CDK18: variants seen among roughly 807,000 people sequenced by gnomAD.
The protein encoded by CDK18 is cyclin-dependent kinase 18.
CDK18 carries 52 observed loss-of-function variants against 62.0 expected under a neutral mutation model. The observed-to-expected ratio is 0.84, with a 90% CI of 0.67 to 1.06. The LOEUF is 1.06. Ranked by LOEUF, CDK18 falls within the 50% of genes least tolerant of loss-of-function variation. The pLI, the probability that CDK18 is intolerant of heterozygous loss-of-function variation, is 0.00. For synonymous variants in CDK18, 237 were observed against 247.0 expected (o/e 0.96, Z 0.38); for missense variants, 604 against 619.9 (o/e 0.97, Z 0.27).
At chr1:205,520,731 AAAT>A (rs1668080134) in intron 1 of CDK18, among the ~76,000 whole-genome samples, 1 of 151,982 alleles carries the variant, frequency 6.6e-6, no homozygotes. Flanking sequence ...GGAAAAAAGA[AAAT>A]AATTGATCTT....
chr1:205,523,671 C>A, intron 3 of CDK18, 46 bp downstream of exon 3: 1 of 1,544,642 alleles, frequency 6.5e-7, no homozygotes, highest in Non-Finnish European at 8.7e-7. Flanking sequence ...AGGATGCACG[C>A]ACAAGGGTGT....
At chr1:205,531,106 A>G (rs1668714898) in intron 15 of CDK18, among the ~76,000 whole-genome samples, 1 of 152,178 alleles carries the variant, frequency 6.6e-6, no homozygotes, top group African/African-American at 2.4e-5. Context: ...AGCTAGTACT[A>G]TTAATATTCC....
rs1668254171 is a variant in CDK18, at chr1:205,523,528, G to C, written c.176G>C (p.Ser59Thr). The change falls in exon 3 of 16, where the codon AGC becomes ACC. Residue 59 changes from serine (S) to threonine (T), a missense_variant. Coordinates refer to ENST00000429964, the MANE Select transcript of CDK18 (RefSeq NM_212502.3). ...GGCAGAGACCCCCCGCAGGAGTGCAGCACCTTCTCCCCAACAGACAGCGGG... is the reference window on the plus strand; with the variant it reads ...GGCAGAGACCCCCCGCAGGAGTGCACCACCTTCTCCCCAACAGACAGCGGG... ...PLGRDPPQEC[S>T]TFSPTDSGEE... is the part of the protein sequence containing the mutation. 1 of 1,606,816 alleles carries C rather than the reference G, an allele frequency of 6.2e-7. No individual in the cohort carries two copies. Among genetic ancestry groups the C allele is most frequent in the East Asian group, 2.2e-5 (1 of 44,638 alleles).
intron 14 of CDK18, 114 bp downstream of exon 14, chr1:205,530,463 C>A: frequency 8.0e-7 from 1 of 1,252,468 alleles, no homozygotes; most frequent in Non-Finnish European, 1.2e-6. Context: ...AGCAGAGCAG[C>A]CCCGGGCACC....
At chr1:205,518,072 C>T (rs900073375) in intron 1 of CDK18, among the ~76,000 whole-genome samples, 6 of 152,272 alleles carry the variant, frequency 3.9e-5, no homozygotes, top group African/African-American at 1.4e-4. Flanking sequence ...CCCTGCATGA[C>T]TGACCCCCTC....
rs1668481486 is a variant in CDK18 at position 205,527,240 on chromosome 1, A to T, written c.729+403A>T. 8.8e-6 allele frequency: 2 copies of T among 226,540 alleles called. No individual in the cohort carries two copies. The highest frequency in any genetic ancestry group is 1.6e-4 in the South Asian group (2 of 12,886). 14.0% of individuals were successfully genotyped at this position (226,540 alleles called of 1,614,324 possible). A position where few individuals can be genotyped will look rare whatever the true frequency, so the allele number is the denominator to read the frequency against. On this transcript the variant is annotated intron_variant, in intron 8 of 15. Coordinates refer to ENST00000429964, the MANE Select transcript of CDK18 (RefSeq NM_212502.3). The surrounding 1 kb of genome is among the most constrained non-coding windows in gnomAD (Gnocchi z 4.1). ...CCACGCCTGTAATCCCAGCACTGGG[A>T]GGCCAAGGCAGGAAGATGGCTTGAG...
At chr1:205,530,799 C>A in intron 15 of CDK18, 94 bp downstream of exon 15, 1 of 984,782 alleles carries the variant, frequency 1.0e-6, no homozygotes, top group Non-Finnish European at 1.6e-6. Context: ...GTCCCCCCAC[C>A]ACTGGCTTCC....
chr1:205,507,527 G>T (rs1208131834), intron 1 of CDK18, among the ~76,000 whole-genome samples: 1 of 150,904 alleles, frequency 6.6e-6, no homozygotes, highest in Non-Finnish European at 1.5e-5. Context: ...GTAGCTACTC[G>T]GGAGGCTGAG....
At chr1:205,530,029 G>C in intron 13 of CDK18, 1 of 1,416,750 alleles carries the variant, frequency 7.1e-7, no homozygotes, top group Non-Finnish European at 9.2e-7. Context: ...TCACTCTCCT[G>C]AAGTTTCATT....
intron 1 of CDK18, among the ~76,000 whole-genome samples, chr1:205,506,919 T>G (rs1274221052): frequency 6.6e-6 from 1 of 152,240 alleles, no homozygotes; most frequent in Non-Finnish European, 1.5e-5. Flanking sequence ...TTGCCAGCCC[T>G]GCAAACCCCC....
intron 5 of CDK18, among the ~76,000 whole-genome samples, 189 bp downstream of exon 5, chr1:205,525,384 A>G (rs12122797): frequency 0.23 from 35,126 of 152,008 alleles, 4,209 homozygotes; most frequent in South Asian, 0.42. Context: ...AAGTGAGCTC[A>G]GATCCTGAAG....
In CDK18 at chr1:205,530,309, C is replaced by T; in HGVS notation, c.1272C>T (p.Tyr424=). The T allele has an allele frequency of 1.2e-6, 2 of 1,613,330 alleles. No individual in the cohort carries two copies. The highest frequency in any genetic ancestry group is 1.7e-6 in the Non-Finnish European group (2 of 1,180,036). Residue 424 remains tyrosine (Y), a synonymous_variant, in exon 14 of 16, where the codon TAC becomes TAT. Coordinates refer to ENST00000429964, the MANE Select transcript of CDK18 (RefSeq NM_212502.3). ...CAGAGGCTGCCCTGAGTCACTCCTA[C>T]TTCCGGTCTCTGGGAGAGCGTGTGC... The part of the protein sequence containing the change: ...MSAEAALSHS[Y]FRSLGERVHQ...
Position 205,526,415 on chromosome 1 carries a change from A to C in CDK18, c.620A>C (p.Asp207Ala). The C allele has an allele frequency of 6.2e-6, 10 of 1,613,936 alleles. No homozygotes were observed. Among genetic ancestry groups the C allele is most frequent in the Non-Finnish European group, 8.5e-6 (10 of 1,179,956 alleles). ...LKHANIVTLH[D>A]LIHTDRSLTL... ...CACGCCAATATTGTGACCCTGCATG[A>C]CCTCATCCACACAGATCGGTCCCTC... Residue 207 changes from aspartate to alanine, a missense_variant, in exon 7 of 16, where the codon GAC (aspartate) becomes GCC (alanine). By Grantham distance (126) the Asp-to-Ala change is moderately radical. Coordinates refer to ENST00000429964, the MANE Select transcript of CDK18 (RefSeq NM_212502.3).
Position 205,527,146 on chromosome 1 carries a change from T to A in CDK18, c.729+309T>A. 3 of 396,724 alleles carry A rather than the reference T, an allele frequency of 7.6e-6. No individual in the cohort carries two copies. Among genetic ancestry groups the A allele is most frequent in the Non-Finnish European group, 1.4e-5 (3 of 217,154 alleles). The allele number at this position is 396,724 out of a possible 1,614,324, so 24.6% of individuals were successfully genotyped here. A position where few individuals can be genotyped will look rare whatever the true frequency, so the allele number is the denominator to read the frequency against. On this transcript the variant is annotated intron_variant, in intron 8 of 15. Coordinates refer to ENST00000429964, the MANE Select transcript of CDK18 (RefSeq NM_212502.3). The surrounding 1 kb of genome is among the most constrained non-coding windows in gnomAD (Gnocchi z 4.1). ...ACCTGCCAAAATGCAGGGAGGCTTCTGGGGAAGCTCGGGGTTATGAATGAC... is the reference window on the plus strand; with the variant it reads ...ACCTGCCAAAATGCAGGGAGGCTTCAGGGGAAGCTCGGGGTTATGAATGAC...
chr1:205,529,885 G>A (rs1394234332), intron 13 of CDK18: 2 of 1,355,900 alleles, frequency 1.5e-6, no homozygotes, highest in East Asian at 2.8e-5. Flanking sequence ...TTGAGATGAC[G>A]GGACACACTT....
intron 1 of CDK18, among the ~76,000 whole-genome samples, chr1:205,506,907 G>A (rs1246810604): frequency 6.6e-6 from 1 of 152,234 alleles, no homozygotes; most frequent in Non-Finnish European, 1.5e-5. Flanking sequence ...CGTGGGATCA[G>A]GTTGCCAGCC....
chr1:205,521,776 A>G (rs577978380), intron 1 of CDK18, among the ~76,000 whole-genome samples: 1 of 152,358 alleles, frequency 6.6e-6, no homozygotes, highest in Admixed American at 6.5e-5. Flanking sequence ...TGTGATCATT[A>G]AGCAAAGCCA....
In CDK18 at chr1:205,524,368, A is replaced by G; in HGVS notation, c.399+11A>G. On this transcript the variant is annotated intron_variant, in intron 4 of 15. Coordinates refer to ENST00000429964, the MANE Select transcript of CDK18 (RefSeq NM_212502.3). ...CGCCGGGCCTCCCTGGTGAGTCCCA[A>G]GAGGGTCAGAGGACACAAGGTGGGG... 6.2e-7 allele frequency: 1 copy of G among 1,614,024 alleles called. No homozygotes were observed. The highest frequency in any genetic ancestry group is 8.5e-7 in the Non-Finnish European group (1 of 1,179,978).
At chr1:205,523,095 G>A (rs1668217591) in intron 1 of CDK18, 52 bp from the exon 2 acceptor site, 1 of 1,543,062 alleles carries the variant, frequency 6.5e-7, no homozygotes, top group East Asian at 2.3e-5. Flanking sequence ...GTGGAGACCT[G>A]GACTGGTTGC....
Sources: gnomAD v4.1 joint callset for allele counts (sites outside exome capture counted in the v4.1 genomes callset) on GRCh38, gnomAD v4.1.1 for gene constraint, Gnocchi (gnomAD v3.1) non-coding constraint, MANE v1.5 for transcripts, NCBI Gene and HGNC (gene_info 2026-07-23, HGNC 2026-07-21) for gene names.